Variants in FBN1 observed in about 807,000 individuals in gnomAD.
The protein encoded by FBN1 is fibrillin-1.
A neutral mutation model predicts 365.1 loss-of-function variants in FBN1; 29 were observed. The ratio of observed to expected loss-of-function variants is 0.08; its 90% CI spans 0.06 to 0.11. The LOEUF (loss-of-function observed/expected upper bound fraction) is 0.11. Ranked by LOEUF, FBN1 falls within the 10% of genes least tolerant of loss-of-function variation. FBN1 has a pLI of 1.00. For synonymous variants in FBN1, 1,210 were observed against 1,270.5 expected, an observed-to-expected ratio of 0.95 and a Z score of 1.01; for missense variants, 2,476 against 3,703.2, an observed-to-expected ratio of 0.67 and a Z score of 8.60.
At position 48,508,586 on chromosome 15, in the gene FBN1, G is replaced by A; in HGVS notation, c.1833C>T (p.Cys611=). The A allele has an allele frequency of 6.2e-7, 1 of 1,613,768 alleles. No individual in the cohort carries two copies. Among genetic ancestry groups the A allele is most frequent in the South Asian group, 1.1e-5 (1 of 91,080 alleles). ...GFQLASDGRY[C]KDINECETPG... ...CTAGGGTTTTATAGCACGAACCTTT[G>A]CAATAACGTCCATCTGATGCCAGCT... Residue 611 remains cysteine, a synonymous_variant, in exon 15 of 66, where the codon TGC becomes TGT. Coordinates refer to ENST00000316623, the MANE Select transcript of FBN1 (RefSeq NM_000138.5).
intron 4 of FBN1, among the ~76,000 whole-genome samples, chr15:48,601,493 A>G (rs1267576703): frequency 2.0e-5 from 3 of 152,198 alleles, no homozygotes; most frequent in African/African-American, 7.2e-5. Flanking sequence ...CGATAATTTT[A>G]GCTAAGGAGA....
At chr15:48,516,838 G>A (rs2043808111) in intron 10 of FBN1, among the ~76,000 whole-genome samples, 1 of 152,204 alleles carries the variant, frequency 6.6e-6, no homozygotes, top group Non-Finnish European at 1.5e-5. Flanking sequence ...TTACTGCGGG[G>A]AGGCAAGGCT....
chr15:48,599,150 T>A (rs191760089), intron 5 of FBN1, among the ~76,000 whole-genome samples: 1 of 152,284 alleles, frequency 6.6e-6, no homozygotes, highest in Non-Finnish European at 1.5e-5. Context: ...CTAACACAGA[T>A]GGTCACTAGG....
At chr15:48,415,398 C>T in intron 64 of FBN1, 138 bp downstream of exon 64, 1 of 732,754 alleles carries the variant, frequency 1.4e-6, no homozygotes, top group Non-Finnish European at 2.4e-6. Context: ...AAACTTTTGC[C>T]AAGCTAACTG....
At chr15:48,428,251 T>C (rs1224926225) in intron 57 of FBN1, 95 bp downstream of exon 57, 1 of 1,490,712 alleles carries the variant, frequency 6.7e-7, no homozygotes, top group Non-Finnish European at 9.3e-7. Flanking sequence ...TCCTCAGATT[T>C]TGACATTTTC....
In FBN1 at chr15:48,644,866, T is replaced by A; in HGVS notation, c.-97A>T. 1 of 1,177,676 alleles carries A rather than the reference T, an allele frequency of 8.5e-7. No individual in the cohort carries two copies. The highest frequency in any genetic ancestry group is 1.1e-6 in the Non-Finnish European group (1 of 928,236). 73.0% of individuals were successfully genotyped at this position (1,177,676 alleles called of 1,614,324 possible). ...CCTGAAGCGCACCGCGCCGCCGGGG[T>A]CCCGCTATCCCGCCGCCCGTCCCCC... On this transcript the variant is annotated 5_prime_UTR_variant, in exon 2 of 66. Transcript: ENST00000316623.
chr15:48,625,412 G>C (rs1383317156), intron 2 of FBN1, among the ~76,000 whole-genome samples: 1 of 152,108 alleles, frequency 6.6e-6, no homozygotes, highest in Non-Finnish European at 1.5e-5. Flanking sequence ...AAGCTGCCCA[G>C]TGATCTGTGA....
intron 4 of FBN1, among the ~76,000 whole-genome samples, chr15:48,608,790 A>T (rs1396949959): frequency 1.3e-5 from 2 of 151,728 alleles, no homozygotes; most frequent in Admixed American, 1.3e-4. Context: ...TTACTACTAT[A>T]CTCGTCACAC....
At chr15:48,540,192 C>T (rs970931485) in intron 6 of FBN1, among the ~76,000 whole-genome samples, 1 of 151,980 alleles carries the variant, frequency 6.6e-6, no homozygotes, top group Non-Finnish European at 1.5e-5. Flanking sequence ...CTTTCTATTT[C>T]AATATTTTAT....
intron 2 of FBN1, 114 bp downstream of exon 2, chr15:48,644,492 G>A (rs1890254101): frequency 1.4e-6 from 2 of 1,464,586 alleles, no homozygotes; most frequent in South Asian, 1.1e-5. Context: ...CACCTCTAAG[G>A]TGCCCCCAGG....
At chr15:48,500,966 C>A (rs1435071170) in intron 17 of FBN1, among the ~76,000 whole-genome samples, 1 of 152,256 alleles carries the variant, frequency 6.6e-6, no homozygotes, top group East Asian at 1.9e-4. Flanking sequence ...CAGCCTACCC[C>A]CCATTCTTGA....
chr15:48,499,298 T>C (rs2043635590), intron 17 of FBN1, among the ~76,000 whole-genome samples: 1 of 152,172 alleles, frequency 6.6e-6, no homozygotes, highest in Admixed American at 6.5e-5. Flanking sequence ...GAAAAGGTGT[T>C]TTTCCTATAA....
At chr15:48,516,053 T>C (rs1273696833) in intron 11 of FBN1, 130 bp downstream of exon 11, 4 of 924,700 alleles carry the variant, frequency 4.3e-6, no homozygotes, top group African/African-American at 1.7e-5. Flanking sequence ...ATAGATAACA[T>C]TATGTAAACC....
intron 2 of FBN1, among the ~76,000 whole-genome samples, chr15:48,637,929 G>C (rs913874491): frequency 2.6e-5 from 4 of 152,102 alleles, no homozygotes; most frequent in African/African-American, 9.7e-5. Flanking sequence ...GCTGTAGGGA[G>C]AAAGCAGCCA....
intron 4 of FBN1, among the ~76,000 whole-genome samples, chr15:48,602,176 CCTAT>C (rs1692436249): frequency 6.6e-6 from 1 of 152,124 alleles, no homozygotes; most frequent in African/African-American, 2.4e-5. Flanking sequence ...AACCTGAAAT[CCTAT>C]CTATCTCCAA....
At chr15:48,473,291 C>T (rs1326742797) in intron 34 of FBN1, among the ~76,000 whole-genome samples, 1 of 152,122 alleles carries the variant, frequency 6.6e-6, no homozygotes, top group African/African-American at 2.4e-5. Flanking sequence ...ACTTAATGAG[C>T]CTTAGCCTCT....
intron 6 of FBN1, among the ~76,000 whole-genome samples, chr15:48,581,021 A>C (rs1266469637): frequency 6.6e-6 from 1 of 152,208 alleles, no homozygotes; most frequent in African/African-American, 2.4e-5. Flanking sequence ...GGGTGAGCTC[A>C]GAACATCATC....
chr15:48,536,988 G>C (rs1017132469), intron 7 of FBN1, among the ~76,000 whole-genome samples: 4 of 152,114 alleles, frequency 2.6e-5, no homozygotes, highest in African/African-American at 9.7e-5. Context: ...TTTCCTGCCA[G>C]ACATCCAGAC....
chr15:48,639,999 T>C (rs1890170500), intron 2 of FBN1, among the ~76,000 whole-genome samples: 1 of 152,212 alleles, frequency 6.6e-6, no homozygotes. Flanking sequence ...AGTATTTTGC[T>C]TGATTAGAGT....
Sources: allele counts gnomAD v4.1 joint callset (sites outside exome capture counted in the v4.1 genomes callset), GRCh38; gene constraint gnomAD v4.1.1; transcripts MANE v1.5; gene names NCBI Gene and HGNC (gene_info 2026-07-23, HGNC 2026-07-21).